Variants in MAF observed in about 807,000 individuals in gnomAD.
The protein encoded by MAF is MAF bZIP transcription factor, also known as transcription factor Maf.
MAF carries 10 observed loss-of-function variants against 22.0 expected under a neutral mutation model. The observed-to-expected ratio is 0.45, with a 90% CI of 0.28 to 0.77. MAF has a LOEUF of 0.77. Ranked by LOEUF, MAF falls within the 30% of genes least tolerant of loss-of-function variation. The pLI, the probability that MAF is intolerant of heterozygous loss-of-function variation, is 0.12. For synonymous variants in MAF, 337 were observed against 255.8 expected, an observed-to-expected ratio of 1.32 and a Z score of -3.03; for missense variants, 544 against 548.4, an observed-to-expected ratio of 0.99 and a Z score of 0.08.
chr16:79,530,529 G>C, the MAF span, among the ~76,000 whole-genome samples: 4 of 152,106 alleles, frequency 2.6e-5, no homozygotes, highest in African/African-American at 9.7e-5. Context: ...AAATATTTAA[G>C]GACATTATTC....
At chr16:79,296,293 C>G in the MAF span, among the ~76,000 whole-genome samples, 1 of 152,088 alleles carries the variant, frequency 6.6e-6, no homozygotes, top group African/African-American at 2.4e-5. Context: ...AAGGATTAAT[C>G]TTTTTAAAAA....
chr16:79,475,845 A>C, the MAF span, among the ~76,000 whole-genome samples: 81 of 152,268 alleles, frequency 5.3e-4, no homozygotes, highest in African/African-American at 1.9e-3. Context: ...GCAGAATCCT[A>C]AGACGACCCC....
chr16:79,206,138 TCTC>T, the MAF span: 3 of 151,946 alleles, frequency 2.0e-5, no homozygotes, highest in African/African-American at 4.8e-5. Context: ...GAAAAAAAAA[TCTC>T]CTTTTAACAT....
At chr16:79,565,026 C>G in the MAF span, among the ~76,000 whole-genome samples, 1 of 152,128 alleles carries the variant, frequency 6.6e-6, no homozygotes, top group Non-Finnish European at 1.5e-5. Flanking sequence ...GGGCAAGAGT[C>G]CGGGCCCTGA....
the MAF span, among the ~76,000 whole-genome samples, chr16:79,288,024 C>G: frequency 6.6e-6 from 1 of 152,118 alleles, no homozygotes; most frequent in African/African-American, 2.4e-5. Flanking sequence ...ACTCCCAGTT[C>G]CTTGGGGATA....
chr16:79,365,126 T>C, the MAF span, among the ~76,000 whole-genome samples: 1 of 152,216 alleles, frequency 6.6e-6, no homozygotes, highest in Non-Finnish European at 1.5e-5. Context: ...GGTTTACTAG[T>C]ATAGGAGCCC....
chr16:79,507,983 G>A, the MAF span, among the ~76,000 whole-genome samples: 36 of 152,248 alleles, frequency 2.4e-4, no homozygotes, highest in Admixed American at 7.8e-4. Flanking sequence ...GGTGATGGCC[G>A]CAGTCCTGCA....
the MAF span, among the ~76,000 whole-genome samples, chr16:79,553,049 G>A: frequency 6.6e-6 from 1 of 152,216 alleles, no homozygotes; most frequent in East Asian, 1.9e-4. Context: ...TGTGATCTTT[G>A]AACCTTAATT....
At chr16:79,283,534 G>T in the MAF span, among the ~76,000 whole-genome samples, 3 of 152,074 alleles carry the variant, frequency 2.0e-5, no homozygotes, top group African/African-American at 7.2e-5. Flanking sequence ...CTTTTCTGAT[G>T]ACTGAAAGAA....
chr16:79,456,925 G>A, the MAF span, among the ~76,000 whole-genome samples: 2 of 146,908 alleles, frequency 1.4e-5, no homozygotes, highest in Middle Eastern at 3.2e-3. Flanking sequence ...TTCCTACAAA[G>A]CCATGTTTTT....
chr16:79,521,669 C>T, the MAF span, among the ~76,000 whole-genome samples: 2 of 152,176 alleles, frequency 1.3e-5, no homozygotes, highest in Admixed American at 6.5e-5. Context: ...CCACATCTTT[C>T]CAGTGCAAGA....
the MAF span, among the ~76,000 whole-genome samples, chr16:79,568,266 G>C: frequency 3.0e-4 from 46 of 152,278 alleles, no homozygotes; most frequent in Admixed American, 9.1e-4. Flanking sequence ...GTCTGTGGAT[G>C]GCCCCTAATG....
chr16:79,447,905 A>AAAAAAAAAAAG, the MAF span, among the ~76,000 whole-genome samples: 9,080 of 85,476 alleles, frequency 0.11, 1,038 homozygotes, highest in East Asian at 0.19. Context: ...AAAAAAAAAA[A>AAAAAAAAAAAG]AAAAGAAAAG....
chr16:79,247,619 G>C, the MAF span, among the ~76,000 whole-genome samples: 1 of 152,094 alleles, frequency 6.6e-6, no homozygotes, highest in Admixed American at 6.5e-5. Flanking sequence ...GGAAGTAATG[G>C]GTGGCTATTT....
the MAF span, among the ~76,000 whole-genome samples, chr16:79,360,532 G>A: frequency 1.3e-5 from 2 of 152,186 alleles, no homozygotes; most frequent in East Asian, 3.8e-4. Context: ...ATTGTTGGGA[G>A]ACATTCAATG....
the MAF span, among the ~76,000 whole-genome samples, chr16:79,525,165 G>A: frequency 2.6e-5 from 4 of 151,838 alleles, no homozygotes; most frequent in East Asian, 1.9e-4. Context: ...GGATTTCATC[G>A]CTCTTGCAAT....
the MAF span, among the ~76,000 whole-genome samples, chr16:79,534,357 C>G: frequency 1.3e-5 from 2 of 152,224 alleles, no homozygotes; most frequent in Non-Finnish European, 2.9e-5. Flanking sequence ...GAATACAGGA[C>G]TTAGGCCAGC....
the MAF span, among the ~76,000 whole-genome samples, chr16:79,445,712 G>C: frequency 6.6e-6 from 1 of 152,144 alleles, no homozygotes; most frequent in Non-Finnish European, 1.5e-5. Context: ...CAAAGGACCA[G>C]TTTGCATCAG....
chr16:79,339,501 A>G, the MAF span, among the ~76,000 whole-genome samples: 1 of 152,244 alleles, frequency 6.6e-6, no homozygotes, highest in Admixed American at 6.5e-5. Flanking sequence ...TGTATGGAAG[A>G]GAGCCACTCT....
Sources: gnomAD v4.1 joint callset for allele counts (sites outside exome capture counted in the v4.1 genomes callset) on GRCh38, gnomAD v4.1.1 for gene constraint, MANE v1.5 for transcripts, NCBI Gene and HGNC (gene_info 2026-07-23, HGNC 2026-07-21) for gene names.